The following FAM78B variants were observed in gnomAD, a reference collection of about 807,000 sequenced individuals.
FAM78B encodes family with sequence similarity 78 member B.
FAM78B carries 10 observed loss-of-function variants against 20.0 expected under a neutral mutation model. The ratio of observed to expected loss-of-function variants is 0.50; its 90% CI spans 0.31 to 0.85. FAM78B has a LOEUF of 0.85. Ranked by LOEUF, FAM78B falls within the 40% of genes least tolerant of loss-of-function variation. FAM78B has a pLI of 0.05. For missense variants in FAM78B, 283 were observed against 345.0 expected, an observed-to-expected ratio of 0.82 and a Z score of 1.42; for synonymous variants, 135 against 132.8, an observed-to-expected ratio of 1.02 and a Z score of -0.12.
In FAM78B at chr1:166,070,228, G is replaced by T; in HGVS notation, c.*13C>A. Reference sequence around the variant, plus strand: ...GAGGCGTGTGATCCACACACAGTCAGGCCAGTCTGCTTCTACTTAGGAGGG... The same window carrying T: ...GAGGCGTGTGATCCACACACAGTCATGCCAGTCTGCTTCTACTTAGGAGGG... On this transcript the variant is annotated 3_prime_UTR_variant, in exon 2 of 2. Transcript: ENST00000354422. 2 of 1,517,380 alleles carry T rather than the reference G, an allele frequency of 1.3e-6. No homozygotes were observed. Among genetic ancestry groups the T allele is most frequent in the Non-Finnish European group, 1.8e-6 (2 of 1,132,190 alleles). 94.0% of individuals were successfully genotyped at this position (1,517,380 alleles called of 1,614,324 possible). A position where few individuals can be genotyped will look rare whatever the true frequency, so the allele number is the denominator to read the frequency against.
chr1:166,075,331 T>A (rs6681775), intron 1 of FAM78B, among the ~76,000 whole-genome samples: 23,507 of 152,144 alleles, frequency 0.15, 2,412 homozygotes, highest in East Asian at 0.46. Flanking sequence ...ATTACAAAGG[T>A]AGATTCTTCA....
chr1:166,092,747 T>A (rs1292960848), intron 1 of FAM78B, among the ~76,000 whole-genome samples: 2 of 152,292 alleles, frequency 1.3e-5, no homozygotes, highest in African/African-American at 2.4e-5. Context: ...CCAAACATAC[T>A]CTTTAAATTT....
chr1:166,154,828 G>A (rs574998016), intron 1 of FAM78B: 20 of 473,996 alleles, frequency 4.2e-5, no homozygotes, highest in African/African-American at 1.6e-4. Flanking sequence ...GGGCTTCAGC[G>A]TCCCCATCTG....
At chr1:166,159,008 G>A (rs1462143590) in intron 1 of FAM78B, among the ~76,000 whole-genome samples, 2 of 152,204 alleles carry the variant, frequency 1.3e-5, no homozygotes, top group East Asian at 3.8e-4. Context: ...TGTTATCTGT[G>A]ACAACTTTTT....
At chr1:166,120,135 A>C (rs997541218) in intron 1 of FAM78B, among the ~76,000 whole-genome samples, 4 of 152,232 alleles carry the variant, frequency 2.6e-5, no homozygotes, top group Non-Finnish European at 5.9e-5. Context: ...CTTTACATTT[A>C]TTGAGAATCT....
At chr1:166,129,585 G>A (rs1387463006) in intron 1 of FAM78B, among the ~76,000 whole-genome samples, 1 of 152,160 alleles carries the variant, frequency 6.6e-6, no homozygotes, top group East Asian at 1.9e-4. Context: ...CTTCTCCAGT[G>A]CTCGAACTTC....
intron 1 of FAM78B, among the ~76,000 whole-genome samples, chr1:166,085,104 T>A (rs1195461663): frequency 6.6e-6 from 1 of 152,214 alleles, no homozygotes; most frequent in African/African-American, 2.4e-5. Context: ...CCTCCGCCAT[T>A]TACCCTGTCT....
intron 1 of FAM78B, among the ~76,000 whole-genome samples, chr1:166,076,499 A>G (rs1052584061): frequency 6.6e-6 from 1 of 152,078 alleles, no homozygotes; most frequent in Non-Finnish European, 1.5e-5. Flanking sequence ...CATATTTAAA[A>G]TTGCAACCTC....
intron 1 of FAM78B, among the ~76,000 whole-genome samples, chr1:166,162,644 A>T (rs1392917342): frequency 6.6e-6 from 1 of 152,202 alleles, no homozygotes; most frequent in Non-Finnish European, 1.5e-5. Context: ...TGCATACTCA[A>T]GAGGTATAAA....
chr1:166,135,277 A>C (rs1444393145), intron 1 of FAM78B, among the ~76,000 whole-genome samples: 1 of 152,246 alleles, frequency 6.6e-6, no homozygotes, highest in Non-Finnish European at 1.5e-5. Context: ...ATAAAGTATA[A>C]CAGCAATGAC....
chr1:166,066,798 A>T (rs1350973543), downstream of FAM78B, among the ~76,000 whole-genome samples: 1 of 152,308 alleles, frequency 6.6e-6, no homozygotes, highest in South Asian at 2.1e-4. Flanking sequence ...GAGTTGTAAA[A>T]AGGTCCACAG....
chr1:166,145,193 A>T (rs1655412806), intron 1 of FAM78B, among the ~76,000 whole-genome samples: 1 of 152,158 alleles, frequency 6.6e-6, no homozygotes, highest in African/African-American at 2.4e-5. Flanking sequence ...ATATCCACAA[A>T]CTAAGGAGGC....
intron 1 of FAM78B, among the ~76,000 whole-genome samples, chr1:166,095,436 A>G (rs190387683): frequency 2.0e-5 from 3 of 152,316 alleles, no homozygotes; most frequent in East Asian, 1.9e-4. Flanking sequence ...GGACAGGCAG[A>G]CAGGAATGCT....
intron 1 of FAM78B, among the ~76,000 whole-genome samples, chr1:166,156,069 G>C (rs1279672411): frequency 6.6e-6 from 1 of 152,204 alleles, no homozygotes; most frequent in African/African-American, 2.4e-5. Flanking sequence ...GCCTCTAACA[G>C]CCTCTGAGAG....
intron 1 of FAM78B, among the ~76,000 whole-genome samples, chr1:166,165,744 T>A (rs796344078): frequency 4.6e-5 from 7 of 152,120 alleles, no homozygotes; most frequent in African/African-American, 1.7e-4. Context: ...CGCACCTTTC[T>A]CCTCGCGTTT....
chr1:166,088,593 G>T (rs1013077885), intron 1 of FAM78B, among the ~76,000 whole-genome samples: 8 of 152,338 alleles, frequency 5.3e-5, no homozygotes, highest in African/African-American at 1.4e-4. Flanking sequence ...GAAGTATGTG[G>T]AACGGTAGGT....
At chr1:166,097,203 G>C (rs1266438901) in intron 1 of FAM78B, among the ~76,000 whole-genome samples, 5 of 152,258 alleles carry the variant, frequency 3.3e-5, no homozygotes, top group Non-Finnish European at 5.9e-5. Flanking sequence ...GGAAGCAGCA[G>C]AAAGGCCCTG....
At chr1:166,135,406 G>A (rs969414051) in intron 1 of FAM78B, among the ~76,000 whole-genome samples, 3 of 152,234 alleles carry the variant, frequency 2.0e-5, no homozygotes, top group Non-Finnish European at 4.4e-5. Flanking sequence ...AAAGCTGGGA[G>A]ATGGCATAGC....
intron 1 of FAM78B, among the ~76,000 whole-genome samples, chr1:166,121,206 C>T (rs1011863137): frequency 4.6e-5 from 7 of 152,206 alleles, no homozygotes; most frequent in African/African-American, 1.2e-4. Context: ...TCGGTGTGGA[C>T]ACCATCAAGG....
Sources: gnomAD v4.1 joint callset for allele counts (sites outside exome capture counted in the v4.1 genomes callset) on GRCh38, gnomAD v4.1.1 for gene constraint, MANE v1.5 for transcripts, NCBI Gene and HGNC (gene_info 2026-07-23, HGNC 2026-07-21) for gene names.